BCAS3: variants seen among roughly 807,000 people sequenced by gnomAD.
The protein encoded by BCAS3 is BCAS4/BCAS3 fusion.
BCAS3 carries 53 observed loss-of-function variants against 116.1 expected under a neutral mutation model. That is an observed-to-expected ratio of 0.46 (90% CI 0.37 to 0.57). The LOEUF (loss-of-function observed/expected upper bound fraction) is 0.57, where lower values mean the gene tolerates loss of function less well. BCAS3 is among the 20% of genes least tolerant of loss of function. The pLI is 0.00. For synonymous variants in BCAS3, 391 were observed against 408.2 expected, an observed-to-expected ratio of 0.96 and a Z score of 0.51; for missense variants, 917 against 1,165.4, an observed-to-expected ratio of 0.79 and a Z score of 3.10.
At chr17:61,103,694 C>CT (rs2074470046) in intron 22 of BCAS3, among the ~76,000 whole-genome samples, 2 of 152,238 alleles carry the variant, frequency 1.3e-5, no homozygotes, top group African/African-American at 2.4e-5. Flanking sequence ...CTTTCATGTT[C>CT]TTTTTTCTGT....
chr17:61,225,799 T>A (rs1045296366), intron 22 of BCAS3, among the ~76,000 whole-genome samples: 1 of 152,182 alleles, frequency 6.6e-6, no homozygotes, highest in Non-Finnish European at 1.5e-5. Flanking sequence ...CTCTCCCAGC[T>A]CCTTTTTCTA....
At chr17:61,353,189 T>A (rs1339020940) in intron 22 of BCAS3, among the ~76,000 whole-genome samples, 2 of 152,184 alleles carry the variant, frequency 1.3e-5, no homozygotes, top group Admixed American at 1.3e-4. Flanking sequence ...CTCCCCTCCC[T>A]GGGCCTCCAT....
At chr17:60,680,836 C>T (rs913226759) in intron 2 of BCAS3, among the ~76,000 whole-genome samples, 4 of 151,994 alleles carry the variant, frequency 2.6e-5, no homozygotes, top group African/African-American at 7.2e-5. Flanking sequence ...TTAGCAAAGA[C>T]GGGGTTTTGC....
chr17:60,735,966 A>T lies in BCAS3; in HGVS notation c.322-11232A>T, dbSNP rs369505989. ...ATTAAGTGAGTGTAAGTGAGCTATT[A>T]CATTAAGTGAGCCATTCAACATTTT... is the stretch of plus-strand genomic sequence containing the variant. On this transcript the variant is annotated intron_variant, in intron 5 of 23. Transcript: ENST00000407086. Among the ~76,000 whole-genome samples the T allele has an allele frequency of 1.3e-4, 20 of 152,226 alleles. No individual in the cohort carries two copies. The South Asian group carries it at 4.1e-3, about 32-fold the overall frequency.
rs905755575 is a variant in BCAS3 at position 61,012,010 on chromosome 17, A to C, written c.1487-3741A>C. 1.4e-4 allele frequency among the ~76,000 whole-genome samples: 21 copies of C among 152,184 alleles called. No homozygotes were observed. The highest frequency in any genetic ancestry group is 4.6e-4 in the African/African-American group (19 of 41,550). ...CTAGAAAAGCAAAATAAAAAGATAG[A>C]GATTCCTTCCTTTATGCTCAAAATT... On this transcript the variant is annotated intron_variant, in intron 15 of 23. Coordinates refer to ENST00000407086, the MANE Select transcript of BCAS3 (RefSeq NM_017679.5). The surrounding 1 kb of genome is among the most constrained non-coding windows in gnomAD (Gnocchi z 4.5).
intron 11 of BCAS3, among the ~76,000 whole-genome samples, chr17:60,909,142 T>C (rs1292999882): frequency 2.0e-5 from 3 of 152,188 alleles, no homozygotes; most frequent in Non-Finnish European, 4.4e-5. Flanking sequence ...CAGTCCCTAG[T>C]CCATAGAAAA....
chr17:60,712,424 T>C (rs2144031414), intron 5 of BCAS3, among the ~76,000 whole-genome samples: 1 of 152,238 alleles, frequency 6.6e-6, no homozygotes, highest in South Asian at 2.1e-4. Flanking sequence ...CTTCTTATAT[T>C]TCATTGAGCT....
chr17:60,798,053 A>G (rs2047373605), intron 6 of BCAS3, among the ~76,000 whole-genome samples: 1 of 152,112 alleles, frequency 6.6e-6, no homozygotes, highest in South Asian at 2.1e-4. Flanking sequence ...ACAAACAAAA[A>G]CACACAGAGT....
chr17:61,003,002 G>A (rs986272079), intron 15 of BCAS3, among the ~76,000 whole-genome samples: 5 of 151,526 alleles, frequency 3.3e-5, no homozygotes, highest in African/African-American at 7.3e-5. Context: ...GTGAAAGGAG[G>A]CACTTTTTGG....
intron 22 of BCAS3, among the ~76,000 whole-genome samples, chr17:61,137,394 A>G (rs535167971): frequency 1.3e-5 from 2 of 152,382 alleles, no homozygotes; most frequent in African/African-American, 4.8e-5. Context: ...AATACAATGC[A>G]TATACCTACC....
chr17:61,298,795 T>C (rs938797166), intron 22 of BCAS3, among the ~76,000 whole-genome samples: 11 of 54,886 alleles, frequency 2.0e-4, no homozygotes, highest in Non-Finnish European at 4.1e-4. Context: ...CATGCCATTA[T>C]TTATTTATTT....
rs1207555120 is a variant in BCAS3 at position 61,365,330 on chromosome 17, TTGATTGACTGATTGAG to T, written c.2426-2985_2426-2970del. ...CCTTTCTTGCTATAACATTGATTGA[TTGATTGACTGATTGAG>T]TGATTGACTGAGAGTCTCACTCTGT... On this transcript the variant is annotated intron_variant, in intron 22 of 23. Coordinates refer to ENST00000407086, the MANE Select transcript of BCAS3 (RefSeq NM_017679.5). This position sits in a 1 kb window ranked among gnomAD's most constrained non-coding sequence, Gnocchi z 4.6. Among the ~76,000 whole-genome samples the T allele has an allele frequency of 2.6e-5, 4 of 152,194 alleles. No homozygotes were observed. The highest frequency in any genetic ancestry group is 4.4e-5 in the Non-Finnish European group (3 of 68,036).
chr17:61,274,677 A>C (rs1255872913), intron 22 of BCAS3, among the ~76,000 whole-genome samples: 1 of 152,128 alleles, frequency 6.6e-6, no homozygotes, highest in Non-Finnish European at 1.5e-5. Flanking sequence ...GCTTTCTCCT[A>C]AGATCAGGAA....
At position 60,898,589 on chromosome 17, in the gene BCAS3, C is replaced by T. The variant is rs547426395; in HGVS notation, c.739-4031C>T. ...ACTGGTCATCAGTATGCAGTGGTGG[C>T]AGCATTGGGCTGAGTGTGCCTATCC... On this transcript the variant is annotated intron_variant, in intron 10 of 23. Coordinates refer to ENST00000407086, the MANE Select transcript of BCAS3 (RefSeq NM_017679.5). 2.0e-5 allele frequency among the ~76,000 whole-genome samples: 3 copies of T among 152,154 alleles called. No individual in the cohort carries two copies. In the South Asian group the frequency reaches 6.2e-4, roughly 32 times the overall value.
chr17:61,129,118 C>T (rs2076198965), intron 22 of BCAS3, among the ~76,000 whole-genome samples: 1 of 152,140 alleles, frequency 6.6e-6, no homozygotes, highest in Admixed American at 6.5e-5. Context: ...TTATGTGTAG[C>T]CTAGGCCATG....
intron 6 of BCAS3, among the ~76,000 whole-genome samples, chr17:60,756,741 G>T (rs117133038): frequency 6.6e-6 from 1 of 152,200 alleles, no homozygotes; most frequent in South Asian, 2.1e-4. Flanking sequence ...ACATGTGAGT[G>T]CAGGTTATAC....
chr17:61,341,385 A>G (rs1602857727), intron 22 of BCAS3, among the ~76,000 whole-genome samples: 1 of 152,212 alleles, frequency 6.6e-6, no homozygotes, highest in East Asian at 1.9e-4. Flanking sequence ...TTCCCCAAAT[A>G]CGGCAGTTTA....
rs1039065212 is a variant in BCAS3, at chr17:60,784,299, T to A, written c.404-23705T>A. 5.4e-3 allele frequency among the ~76,000 whole-genome samples: 546 copies of A among 101,232 alleles called. 2 individuals are homozygous for A. The highest frequency in any genetic ancestry group is 0.026 in the African/African-American group (517 of 19,986). 66.4% of individuals were successfully genotyped at this position (101,232 alleles called of 152,430 possible). A position where few individuals can be genotyped will look rare whatever the true frequency, so the allele number is the denominator to read the frequency against. On this transcript the variant is annotated intron_variant, in intron 6 of 23. Transcript: ENST00000407086. The stretch of plus-strand genomic sequence containing the variant: ...TTCTTTCTAAAAAAATGAAACAAAT[T>A]TTTTTTTTTTTTTTTTTTTTTGAGA...
rs770631186 is a variant in BCAS3, at chr17:61,265,328, C to T, written c.2426-102999C>T. ...TTGAGGCAGGAGAATCGTTCGAACC[C>T]GAGAGGCAGAGGTTGCAGTGAGCCG... On this transcript the variant is annotated intron_variant, in intron 22 of 23. Coordinates refer to ENST00000407086, the MANE Select transcript of BCAS3 (RefSeq NM_017679.5). The surrounding 1 kb of genome is among the most constrained non-coding windows in gnomAD (Gnocchi z 4.3). Among the ~76,000 whole-genome samples the T allele has an allele frequency of 1.3e-5, 2 of 151,488 alleles. No individual in the cohort carries two copies. The highest frequency in any genetic ancestry group is 1.9e-4 in the East Asian group (1 of 5,170).
Sources: allele counts gnomAD v4.1 joint callset (sites outside exome capture counted in the v4.1 genomes callset), GRCh38; gene constraint gnomAD v4.1.1; non-coding constraint Gnocchi (gnomAD v3.1); transcripts MANE v1.5; gene names NCBI Gene and HGNC (gene_info 2026-07-23, HGNC 2026-07-21).